Variants in RBFOX3 observed in about 807,000 individuals in gnomAD.
The protein encoded by RBFOX3 is RNA binding protein fox-1 homolog 3.
A neutral mutation model predicts 48.7 loss-of-function variants in RBFOX3; 17 were observed. That is an observed-to-expected ratio of 0.35 (90% confidence interval 0.24 to 0.52). RBFOX3 has a LOEUF of 0.52. Among genes scored for constraint, RBFOX3 ranks in the 20% least tolerant of loss-of-function variants. RBFOX3 has a pLI of 0.94. For synonymous variants in RBFOX3, 212 were observed against 209.5 expected (o/e 1.01, Z -0.10); for missense variants, 382 against 497.5 (o/e 0.77, Z 2.21).
rs368963249 is a variant in RBFOX3 at position 79,275,123 on chromosome 17, C to CCTCTCTCTCT, written c.-74+32591_-74+32600dup. ...CTCTCTGCCTCTCTCTCCATGTCTCCCTCTCTCTCTCTCTCTCTCTCTCTC... is the reference window on the plus strand; with the variant it reads ...CTCTCTGCCTCTCTCTCCATGTCTCCCTCTCTCTCTCTCTCTCTCTCTCTCTCTCTCTCTC... On this transcript the variant is annotated intron_variant, in intron 3 of 14. Transcript: ENST00000693108. 3.6e-3 allele frequency among the ~76,000 whole-genome samples: 475 copies of CCTCTCTCTCT among 130,626 alleles called. 5 individuals are homozygous for CCTCTCTCTCT. The highest frequency in any genetic ancestry group is 0.015 in the Middle Eastern group (4 of 260). The allele number at this position is 130,626 out of a possible 152,430, so 85.7% of individuals were successfully genotyped here. A position where few individuals can be genotyped will look rare whatever the true frequency, so the allele number is the denominator to read the frequency against.
chr17:79,651,596 C>G, the RBFOX3 span, among the ~76,000 whole-genome samples: 1 of 150,650 alleles, frequency 6.6e-6, no homozygotes, highest in Non-Finnish European at 1.5e-5. Context: ...TTGTCCTCTC[C>G]CTTTCTCCTT....
intron 2 of RBFOX3, among the ~76,000 whole-genome samples, chr17:79,350,241 C>T (rs1380459991): frequency 3.9e-5 from 6 of 152,186 alleles, no homozygotes; most frequent in Middle Eastern, 3.2e-3. Context: ...CTCTGCGCCC[C>T]ATCCCGCCTC....
intron 4 of RBFOX3, among the ~76,000 whole-genome samples, chr17:79,165,261 G>A (rs1034248878): frequency 1.3e-5 from 2 of 152,202 alleles, no homozygotes; most frequent in African/African-American, 4.8e-5. Flanking sequence ...GGGGAGAGAA[G>A]AGAAAGAGGG....
chr17:79,255,149 C>A (rs112999386), intron 3 of RBFOX3, among the ~76,000 whole-genome samples: 5 of 152,264 alleles, frequency 3.3e-5, no homozygotes, highest in African/African-American at 9.6e-5. Flanking sequence ...CCAGGCCACA[C>A]CCCTCCCAGC....
At chr17:79,620,471 GTGCACACA>G in the RBFOX3 span, among the ~76,000 whole-genome samples, 5 of 130,456 alleles carry the variant, frequency 3.8e-5, no homozygotes, top group Admixed American at 7.8e-5. Context: ...ACATGCACAC[GTGCACACA>G]CGCACGTGCA....
chr17:79,144,658 G>A (rs573593615), intron 4 of RBFOX3, among the ~76,000 whole-genome samples: 1 of 152,190 alleles, frequency 6.6e-6, no homozygotes, highest in Non-Finnish European at 1.5e-5. Context: ...CTGGGACCAC[G>A]GTTCCAATCC....
At chr17:79,339,875 G>A (rs565225656) in intron 2 of RBFOX3, among the ~76,000 whole-genome samples, 40 of 152,262 alleles carry the variant, frequency 2.6e-4, no homozygotes, top group African/African-American at 6.7e-4. Flanking sequence ...TACATTCTAC[G>A]ACTCCAGCCC....
chr17:79,235,007 C>T (rs1355416781), intron 4 of RBFOX3: 2 of 152,190 alleles, frequency 1.3e-5, no homozygotes, highest in Non-Finnish European at 2.9e-5. Flanking sequence ...GTTGAGATTA[C>T]AAGCATGAGC....
chr17:79,450,164 C>T (rs2073200924), intron 2 of RBFOX3, among the ~76,000 whole-genome samples: 1 of 152,222 alleles, frequency 6.6e-6, no homozygotes, highest in African/African-American at 2.4e-5. Flanking sequence ...GGATGCCAGA[C>T]TCAAGGAGGT....
At chr17:79,168,301 A>T (rs905726461) in intron 4 of RBFOX3, among the ~76,000 whole-genome samples, 1 of 152,238 alleles carries the variant, frequency 6.6e-6, no homozygotes, top group Non-Finnish European at 1.5e-5. Context: ...CCTAAATTAA[A>T]ATAAATCCCA....
chr17:79,432,254 A>T (rs2068596216), intron 2 of RBFOX3, among the ~76,000 whole-genome samples: 1 of 152,144 alleles, frequency 6.6e-6, no homozygotes, highest in Non-Finnish European at 1.5e-5. Flanking sequence ...GCTACTATGA[A>T]CCGAGTGTGC....
At chr17:79,169,901 G>A (rs894309977) in intron 4 of RBFOX3, among the ~76,000 whole-genome samples, 2 of 150,986 alleles carry the variant, frequency 1.3e-5, no homozygotes, top group African/African-American at 2.4e-5. Flanking sequence ...ATCATTAAAA[G>A]GAAAGGAAAT....
chr17:79,186,036 A>C (rs2053327232), intron 4 of RBFOX3, among the ~76,000 whole-genome samples: 1 of 152,286 alleles, frequency 6.6e-6, no homozygotes, highest in Non-Finnish European at 1.5e-5. Flanking sequence ...GAGCTCAGTC[A>C]TTGGCCCAAA....
intron 4 of RBFOX3, among the ~76,000 whole-genome samples, chr17:79,219,099 T>C (rs1313361253): frequency 6.6e-6 from 1 of 152,142 alleles, no homozygotes; most frequent in African/African-American, 2.4e-5. Flanking sequence ...CCAGTGGGGC[T>C]CCAGGGCCCT....
intron 2 of RBFOX3, among the ~76,000 whole-genome samples, chr17:79,354,453 G>T (rs1568097103): frequency 6.6e-6 from 1 of 152,246 alleles, no homozygotes; most frequent in Non-Finnish European, 1.5e-5. Flanking sequence ...GCAGGAGAGT[G>T]AGGACACCCC....
chr17:79,223,903 G>A (rs1454452029), intron 4 of RBFOX3, among the ~76,000 whole-genome samples: 1 of 152,178 alleles, frequency 6.6e-6, no homozygotes, highest in Non-Finnish European at 1.5e-5. Context: ...TTGACAGAGG[G>A]GCCAAGAGGA....
intron 4 of RBFOX3, among the ~76,000 whole-genome samples, chr17:79,140,521 T>C (rs1313996324): frequency 1.3e-5 from 2 of 152,190 alleles, no homozygotes; most frequent in Non-Finnish European, 2.9e-5. Flanking sequence ...GCTGTAAAGC[T>C]CACGATGGCC....
chr17:79,454,507 G>A (rs1555743527), intron 2 of RBFOX3, among the ~76,000 whole-genome samples: 4 of 151,766 alleles, frequency 2.6e-5, no homozygotes, highest in Non-Finnish European at 5.9e-5. Context: ...AGCCCTCCCA[G>A]CACCCCCAAT....
intron 2 of RBFOX3, among the ~76,000 whole-genome samples, chr17:79,474,225 G>A (rs926385991): frequency 5.9e-5 from 9 of 152,296 alleles, no homozygotes; most frequent in South Asian, 4.1e-4. Flanking sequence ...CTTGGATGCC[G>A]TTGACTCACG....
Sources: allele counts gnomAD v4.1 joint callset (sites outside exome capture counted in the v4.1 genomes callset), GRCh38; gene constraint gnomAD v4.1.1; transcripts MANE v1.5; gene names NCBI Gene and HGNC (gene_info 2026-07-23, HGNC 2026-07-21).